ZNF804A: variants seen among roughly 807,000 people sequenced by gnomAD.
ZNF804A encodes zinc finger protein 804A.
Under a neutral mutation model 16.5 loss-of-function variants are expected in ZNF804A, and 2 were observed. The observed-to-expected ratio is 0.12, with a 90% CI of 0.05 to 0.38. The LOEUF (loss-of-function observed/expected upper bound fraction) is 0.38. ZNF804A is among the 10% of genes least tolerant of loss of function. The pLI is 0.99. For synonymous variants in ZNF804A, 534 were observed against 489.6 expected, an observed-to-expected ratio of 1.09 and a Z score of -1.20; for missense variants, 1,473 against 1,390.7, an observed-to-expected ratio of 1.06 and a Z score of -0.94.
chr2:184,823,219 G>A (rs746230008), intron 1 of ZNF804A, among the ~76,000 whole-genome samples: 1 of 151,962 alleles, frequency 6.6e-6, no homozygotes, highest in East Asian at 1.9e-4. Flanking sequence ...CAAAGGGAGG[G>A]AAAGGCAGAA....
At chr2:184,696,381 A>G (rs1158179961) in intron 1 of ZNF804A, among the ~76,000 whole-genome samples, 1 of 152,150 alleles carries the variant, frequency 6.6e-6, no homozygotes, top group East Asian at 1.9e-4. Flanking sequence ...AAATCTAGTA[A>G]AAAGAGGGAT....
chr2:184,608,191 C>T (rs1340529953), intron 1 of ZNF804A, among the ~76,000 whole-genome samples: 1 of 151,800 alleles, frequency 6.6e-6, no homozygotes, highest in African/African-American at 2.4e-5. Flanking sequence ...GTGATCCGCC[C>T]GCCTCGGCTT....
At chr2:184,701,099 C>T (rs1692911844) in intron 1 of ZNF804A, among the ~76,000 whole-genome samples, 1 of 151,860 alleles carries the variant, frequency 6.6e-6, no homozygotes, top group Non-Finnish European at 1.5e-5. Flanking sequence ...TATATATCAA[C>T]TTAAGTTAAA....
At chr2:184,697,411 T>C (rs1692849569) in intron 1 of ZNF804A, among the ~76,000 whole-genome samples, 3 of 152,110 alleles carry the variant, frequency 2.0e-5, no homozygotes, top group Admixed American at 6.6e-5. Context: ...GAGTTTGATA[T>C]CCCAGTTGAT....
intron 1 of ZNF804A, among the ~76,000 whole-genome samples, chr2:184,853,963 C>A (rs552716033): frequency 6.7e-6 from 1 of 150,356 alleles, no homozygotes; most frequent in Non-Finnish European, 1.5e-5. Context: ...TCTTCTTCAA[C>A]TTTTTGGGAG....
chr2:184,816,538 A>C (rs1294832770), intron 1 of ZNF804A, among the ~76,000 whole-genome samples: 1 of 152,020 alleles, frequency 6.6e-6, no homozygotes, highest in South Asian at 2.1e-4. Context: ...CAATTATTCA[A>C]CGTTCAATGT....
intron 1 of ZNF804A, among the ~76,000 whole-genome samples, chr2:184,671,457 T>C (rs1305608470): frequency 6.6e-6 from 1 of 152,142 alleles, no homozygotes; most frequent in Non-Finnish European, 1.5e-5. Context: ...TGCAGGTAGA[T>C]TGGCTTTGTA....
intron 1 of ZNF804A, among the ~76,000 whole-genome samples, chr2:184,864,821 G>A (rs1183213324): frequency 2.0e-5 from 3 of 150,480 alleles, no homozygotes; most frequent in Admixed American, 6.6e-5. Context: ...AAAAATATCA[G>A]TGCTAAAAGT....
intron 1 of ZNF804A, among the ~76,000 whole-genome samples, chr2:184,655,774 A>T (rs1053777825): frequency 6.6e-6 from 1 of 152,094 alleles, no homozygotes; most frequent in Non-Finnish European, 1.5e-5. Context: ...GCCTATAAAG[A>T]GTATTATAAT....
rs1183028563 is a variant in ZNF804A, at chr2:184,925,611, CTCTT to C, written c.256-7987_256-7984del. On this transcript the variant is annotated intron_variant, in intron 2 of 3. Coordinates refer to ENST00000302277, the MANE Select transcript of ZNF804A (RefSeq NM_194250.2). ...TGTTTTCTGGTTTTGTTGTAGTCTT[CTCTT>C]TCTTCTTTCTTTCCTTCCTGTCCTT... Among the ~76,000 whole-genome samples the C allele has an allele frequency of 3.3e-5, 5 of 151,888 alleles. No individual in the cohort carries two copies. The East Asian group carries it at 9.6e-4, about 29-fold the overall frequency.
chr2:184,676,128 A>C (rs1396775442), intron 1 of ZNF804A, among the ~76,000 whole-genome samples: 1 of 151,792 alleles, frequency 6.6e-6, no homozygotes, highest in African/African-American at 2.4e-5. Flanking sequence ...TAAAGAATTC[A>C]GTTTATTAAC....
chr2:184,732,243 T>C (rs1273891891), intron 1 of ZNF804A, among the ~76,000 whole-genome samples: 2 of 97,328 alleles, frequency 2.1e-5, no homozygotes, highest in Non-Finnish European at 5.0e-5. Context: ...AAGGTTTGTG[T>C]TTAAACTCAT....
At chr2:184,645,159 G>T (rs909376179) in intron 1 of ZNF804A, among the ~76,000 whole-genome samples, 6 of 152,022 alleles carry the variant, frequency 3.9e-5, no homozygotes, top group African/African-American at 1.4e-4. Context: ...AATTAATGAT[G>T]AGAAGTAACA....
chr2:184,816,261 T>A (rs1694980885), intron 1 of ZNF804A, among the ~76,000 whole-genome samples: 1 of 152,154 alleles, frequency 6.6e-6, no homozygotes, highest in South Asian at 2.1e-4. Context: ...GTTTGATATC[T>A]CTTTTGACAC....
chr2:184,885,637 T>C (rs559082347), intron 2 of ZNF804A, among the ~76,000 whole-genome samples: 5 of 152,238 alleles, frequency 3.3e-5, no homozygotes, highest in African/African-American at 9.6e-5. Context: ...TTTGGACTTA[T>C]AGTTCTGTAC....
At chr2:184,712,528 C>T (rs1693146772) in intron 1 of ZNF804A, among the ~76,000 whole-genome samples, 2 of 151,670 alleles carry the variant, frequency 1.3e-5, no homozygotes, top group Admixed American at 6.6e-5. Context: ...TTGATTCTGT[C>T]TGCAAACTTC....
intron 1 of ZNF804A, among the ~76,000 whole-genome samples, chr2:184,765,547 T>G (rs1694108805): frequency 6.6e-6 from 1 of 151,772 alleles, no homozygotes. Flanking sequence ...GGTGGGTGCA[T>G]GCAGCCCCCA....
At chr2:184,774,309 A>G (rs1360210718) in intron 1 of ZNF804A, among the ~76,000 whole-genome samples, 1 of 151,924 alleles carries the variant, frequency 6.6e-6, no homozygotes, top group African/African-American at 2.4e-5. Flanking sequence ...AGGTTGGCAA[A>G]CAAAAATCCT....
intron 1 of ZNF804A, among the ~76,000 whole-genome samples, chr2:184,655,611 A>C (rs578019272): frequency 7.2e-5 from 11 of 152,150 alleles, no homozygotes; most frequent in Non-Finnish European, 4.4e-5. Context: ...TATTCAATAT[A>C]ATTTGTAGAT....
Sources: gnomAD v4.1 joint callset for allele counts (sites outside exome capture counted in the v4.1 genomes callset) on GRCh38, gnomAD v4.1.1 for gene constraint, MANE v1.5 for transcripts, NCBI Gene and HGNC (gene_info 2026-07-23, HGNC 2026-07-21) for gene names.